Variants in TBC1D8B observed in about 807,000 individuals in gnomAD.
TBC1D8B encodes the protein RP11-321G1.1.
A neutral mutation model predicts 82.9 loss-of-function variants in TBC1D8B; 75 were observed. The observed-to-expected ratio is 0.90, with a 90% CI of 0.75 to 1.10. The LOEUF is 1.10. Ranked by LOEUF, TBC1D8B falls within the 50% of genes least tolerant of loss-of-function variation. The probability of loss-of-function intolerance (pLI) is 0.00; values close to 1 mark genes in which losing one functional copy is unlikely to be tolerated. For missense variants in TBC1D8B, 794 were observed against 796.9 expected, an observed-to-expected ratio of 1.00 and a Z score of 0.04; for synonymous variants, 276 against 276.8, an observed-to-expected ratio of 1.00 and a Z score of 0.03.
intron 7 of TBC1D8B, among the ~76,000 whole-genome samples, chrX:106,830,880 G>A (rs936653010): frequency 3.7e-5 from 4 of 107,973 alleles, no homozygotes; most frequent in Non-Finnish European, 7.7e-5. Flanking sequence ...CACCAGCATG[G>A]CACATGTATA....
intron 8 of TBC1D8B, among the ~76,000 whole-genome samples, chrX:106,839,691 T>C (rs1466999057): frequency 8.9e-6 from 1 of 111,877 alleles, no homozygotes; most frequent in Non-Finnish European, 1.9e-5. Context: ...TACATAATAG[T>C]CGTACATATT....
At chrX:106,827,114 G>T in intron 6 of TBC1D8B, 56 bp from the exon 7 acceptor site, 19 of 1,154,655 alleles carry the variant, frequency 1.6e-5, no homozygotes, top group Non-Finnish European at 2.1e-5. Context: ...CATTTTACTT[G>T]AAGGTGTCAA....
At chrX:106,817,081 A>T (rs981563610) in intron 1 of TBC1D8B, among the ~76,000 whole-genome samples, 3 of 111,860 alleles carry the variant, frequency 2.7e-5, no homozygotes, top group African/African-American at 9.7e-5. Flanking sequence ...ATTAAAGGGA[A>T]ATGCCTCATA....
At chrX:106,816,136 C>T (rs1007465840) in intron 1 of TBC1D8B, among the ~76,000 whole-genome samples, 10 of 111,221 alleles carry the variant, frequency 9.0e-5, no homozygotes, top group Admixed American at 3.8e-4. Flanking sequence ...TGTTTGCAGA[C>T]GACATGATTG....
chrX:106,848,228 G>C lies in TBC1D8B; in HGVS notation c.1762G>C (p.Glu588Gln). 1 of 1,194,630 alleles carries C rather than the reference G, an allele frequency of 8.4e-7. No individual in the cohort carries two copies. Among genetic ancestry groups the C allele is most frequent in the Non-Finnish European group, 1.1e-6 (1 of 884,423 alleles). Residue 588 changes from glutamate (E) to glutamine (Q), a missense_variant, in exon 11 of 21, where the codon GAG becomes CAG. Coordinates refer to ENST00000357242, the MANE Select transcript of TBC1D8B (RefSeq NM_017752.3). ...LTSVLLLYAK[E>Q]EEAFWLLVAV... ...TTCAGTGCTGCTTCTATATGCAAAA[G>C]AGGAAGAAGCTTTTTGGCTTCTGGT...
At chrX:106,853,016 G>T (rs928101438) in intron 12 of TBC1D8B, among the ~76,000 whole-genome samples, 4 of 111,152 alleles carry the variant, frequency 3.6e-5, no homozygotes, top group African/African-American at 1.3e-4. Context: ...ACCTTGGGCA[G>T]TATGGCCATT....
rs2147772537 is a variant in TBC1D8B at position 106,865,554 on chromosome X, T to C, written c.2353-5T>C. The C allele has an allele frequency of 8.4e-7, 1 of 1,190,722 alleles. No individual in the cohort carries two copies. The highest frequency in any genetic ancestry group is 1.1e-6 in the Non-Finnish European group (1 of 885,272). On this transcript the variant is annotated splice_polypyrimidine_tract_variant and splice_region_variant and intron_variant, in intron 14 of 20. Transcript: ENST00000357242. ...TGTACTAAATTGCTTTTAATCTTTT[T>C]AAAGTTGCGTGTTGTATCACAAGAT...
intron 10 of TBC1D8B, 125 bp downstream of exon 10, chrX:106,841,009 T>G (rs951256343): frequency 5.6e-6 from 3 of 531,705 alleles, no homozygotes; most frequent in Non-Finnish European, 9.1e-6. Context: ...TAGAGCATAG[T>G]ATTAATGTAA....
chrX:106,834,782 C>T (rs1329602176), intron 7 of TBC1D8B, among the ~76,000 whole-genome samples: 1 of 112,117 alleles, frequency 8.9e-6, no homozygotes, highest in Non-Finnish European at 1.9e-5. Flanking sequence ...TCATAAAGCC[C>T]TGAAATGGTC....
chrX:106,822,789 G>A, intron 4 of TBC1D8B, among the ~76,000 whole-genome samples: 1 of 107,737 alleles, frequency 9.3e-6, no homozygotes, highest in Non-Finnish European at 1.9e-5. Context: ...CTTGAGCCCA[G>A]GAGTTCAAGA....
intron 20 of TBC1D8B, among the ~76,000 whole-genome samples, chrX:106,871,038 A>G (rs1243485296): frequency 9.0e-6 from 1 of 111,612 alleles, no homozygotes; most frequent in Non-Finnish European, 1.9e-5. Context: ...TTCTGCTGTG[A>G]CATGTACCTA....
intron 7 of TBC1D8B, chrX:106,827,571 T>C (rs976817843): frequency 9.3e-6 from 3 of 322,136 alleles, no homozygotes; most frequent in Non-Finnish European, 1.6e-5. Context: ...ATTTGATCTT[T>C]CTTTTACTCT....
chrX:106,840,945 A>T, intron 10 of TBC1D8B, 61 bp downstream of exon 10: 1 of 1,031,373 alleles, frequency 9.7e-7, no homozygotes, highest in Non-Finnish European at 1.3e-6. Flanking sequence ...ATCAAATCCA[A>T]TTCCACTAAT....
chrX:106,804,842 T>G (rs1931135791), intron 1 of TBC1D8B, among the ~76,000 whole-genome samples: 1 of 109,555 alleles, frequency 9.1e-6, no homozygotes, highest in Non-Finnish European at 1.9e-5. Context: ...TGAGCCGTAA[T>G]AGGGCCACTG....
intron 7 of TBC1D8B, among the ~76,000 whole-genome samples, chrX:106,832,655 A>G (rs1315221719): frequency 9.0e-6 from 1 of 111,569 alleles, no homozygotes; most frequent in Non-Finnish European, 1.9e-5. Flanking sequence ...GCAAATAAGT[A>G]TCTTCTACAT....
chrX:106,853,999 A>T (rs1415373793), intron 13 of TBC1D8B, among the ~76,000 whole-genome samples, 199 bp from the exon 14 acceptor site: 1 of 111,916 alleles, frequency 8.9e-6, no homozygotes, highest in Non-Finnish European at 1.9e-5. Flanking sequence ...TTCACATAGT[A>T]GATGGAATTC....
intron 19 of TBC1D8B, among the ~76,000 whole-genome samples, chrX:106,869,772 A>G (rs1932836251): frequency 1.8e-5 from 2 of 112,260 alleles, no homozygotes; most frequent in African/African-American, 3.2e-5. Context: ...CAGACAGTAC[A>G]TAAGTCCTTT....
At chrX:106,827,380 G>A in intron 7 of TBC1D8B, 43 bp downstream of exon 7, 1 of 1,176,096 alleles carries the variant, frequency 8.5e-7, no homozygotes, top group Non-Finnish European at 1.2e-6. Context: ...AAAAAAAGGT[G>A]TGTGTTTAGT....
rs1932878360 is a variant in TBC1D8B, at chrX:106,875,109, A to G, written c.*1144A>G. On this transcript the variant is annotated 3_prime_UTR_variant, in exon 21 of 21. Coordinates refer to ENST00000357242, the MANE Select transcript of TBC1D8B (RefSeq NM_017752.3). ...ATAATGGGCTTTGTTAGCACTTTCA[A>G]AAAAAAAAAAAGCAAACCATACTTG... The G allele has an allele frequency of 9.3e-6, 1 of 107,530 alleles. No homozygotes were observed. Among genetic ancestry groups the G allele is most frequent in the African/African-American group, 3.3e-5 (1 of 29,915 alleles). The allele number at this position is 107,530 out of a possible 1,213,427, so 8.9% of individuals were successfully genotyped here.
Sources: allele counts gnomAD v4.1 joint callset (sites outside exome capture counted in the v4.1 genomes callset), GRCh38; gene constraint gnomAD v4.1.1; transcripts MANE v1.5; gene names NCBI Gene and HGNC (gene_info 2026-07-23, HGNC 2026-07-21).